SORCS1: variants seen among roughly 807,000 people sequenced by gnomAD.
SORCS1 encodes the protein sortilin related VPS10 domain containing receptor 1.
A neutral mutation model predicts 146.1 loss-of-function variants in SORCS1; 60 were observed. The ratio of observed to expected loss-of-function variants is 0.41; its 90% CI spans 0.33 to 0.51. The LOEUF (loss-of-function observed/expected upper bound fraction) is 0.51, where lower values mean the gene tolerates loss of function less well. Ranked by LOEUF, SORCS1 falls within the 20% of genes least tolerant of loss-of-function variation. SORCS1 has a pLI of 0.21. For synonymous variants in SORCS1, 637 were observed against 584.0 expected (o/e 1.09, Z -1.31); for missense variants, 1,352 against 1,487.6 (o/e 0.91, Z 1.50).
intron 19 of SORCS1, among the ~76,000 whole-genome samples, chr10:106,623,140 C>T (rs1374654150): frequency 6.6e-6 from 1 of 151,988 alleles, no homozygotes; most frequent in African/African-American, 2.4e-5. Context: ...CTGAGTCCCT[C>T]AATCTGCGTT....
chr10:107,057,814 G>A (rs1246342923), intron 1 of SORCS1, among the ~76,000 whole-genome samples: 1 of 152,130 alleles, frequency 6.6e-6, no homozygotes, highest in Non-Finnish European at 1.5e-5. Context: ...CTTGTGTTTT[G>A]TTTCCTTGTT....
intron 2 of SORCS1, among the ~76,000 whole-genome samples, chr10:106,873,422 T>G (rs1470010182): frequency 6.6e-6 from 1 of 152,190 alleles, no homozygotes; most frequent in Non-Finnish European, 1.5e-5. Context: ...ATGTTGGGCT[T>G]CAAGGACTGA....
intron 1 of SORCS1, among the ~76,000 whole-genome samples, chr10:107,086,620 T>A (rs1476404785): frequency 6.6e-6 from 1 of 152,358 alleles, no homozygotes; most frequent in South Asian, 2.1e-4. Context: ...TCTCTTTTTT[T>A]AAAGCAATTG....
chr10:106,595,511 C>G (rs1000069953), intron 24 of SORCS1, among the ~76,000 whole-genome samples: 3 of 152,118 alleles, frequency 2.0e-5, no homozygotes, highest in African/African-American at 4.8e-5. Flanking sequence ...TTTCCACCCT[C>G]CACACCTCCA....
At chr10:106,620,988 T>C (rs547819798) in intron 19 of SORCS1, among the ~76,000 whole-genome samples, 46 of 152,294 alleles carry the variant, frequency 3.0e-4, no homozygotes, top group African/African-American at 9.6e-4. Context: ...CCACTCTCTA[T>C]GTCATTACCC....
chr10:106,629,267 C>T lies in SORCS1; in HGVS notation c.2597G>A (p.Arg866His), dbSNP rs767926672. 2.3e-5 allele frequency: 37 copies of T among 1,613,934 alleles called. No homozygotes were observed. In the Admixed American group the frequency reaches 2.3e-4, roughly 10 times the overall value. The change falls in exon 19 of 26, where the codon CGT (arginine) becomes CAT (histidine). Residue 866 changes from arginine (R) to histidine (H), a missense_variant. This residue lies in a region of SORCS1 where 648 missense variants were observed against 793.8 expected (regional missense o/e 0.82). Transcript: ENST00000263054. ...ACTGTTGTCCACCTGCACGGTCACA[C>T]GGAAAATGCCCACGTTCTGATAGAC... ...KHVYQNVGIF[R>H]VTVQVDNSLG... is the part of the protein sequence containing the mutation.
chr10:106,852,644 A>AAAAG (rs1564736020), intron 2 of SORCS1, among the ~76,000 whole-genome samples: 1 of 149,694 alleles, frequency 6.7e-6, no homozygotes, highest in African/African-American at 2.5e-5. Context: ...AAAAAAAAAA[A>AAAAG]AAAGAAAGAA....
At chr10:106,914,767 G>A (rs560842753) in intron 2 of SORCS1, among the ~76,000 whole-genome samples, 6 of 152,268 alleles carry the variant, frequency 3.9e-5, no homozygotes, top group South Asian at 2.1e-4. Flanking sequence ...AATGACTAGC[G>A]TGGGACCTTA....
chr10:107,089,658 T>C (rs147578580), intron 1 of SORCS1, among the ~76,000 whole-genome samples: 32 of 152,110 alleles, frequency 2.1e-4, no homozygotes, highest in African/African-American at 7.7e-4. Context: ...GAAAAAAAGG[T>C]AAAATAACCT....
chr10:107,017,454 A>G (rs1375109723), intron 1 of SORCS1, among the ~76,000 whole-genome samples: 2 of 152,220 alleles, frequency 1.3e-5, no homozygotes, highest in Non-Finnish European at 2.9e-5. Flanking sequence ...AAAAACAGGC[A>G]ACAACAATCT....
chr10:106,710,630 G>A (rs926807246), intron 6 of SORCS1, among the ~76,000 whole-genome samples: 1 of 151,856 alleles, frequency 6.6e-6, no homozygotes, highest in Non-Finnish European at 1.5e-5. Context: ...CCTGTTTTTT[G>A]AGCACACTAT....
At chr10:106,620,976 A>G (rs1847706390) in intron 19 of SORCS1, among the ~76,000 whole-genome samples, 1 of 152,192 alleles carries the variant, frequency 6.6e-6, no homozygotes, top group Non-Finnish European at 1.5e-5. Context: ...CAAATCTTCA[A>G]ACCACTCTCT....
chr10:107,035,617 A>G (rs950809), intron 1 of SORCS1, among the ~76,000 whole-genome samples: 73,679 of 152,034 alleles, frequency 0.48, 17,969 homozygotes, highest in East Asian at 0.65. Flanking sequence ...AGGGCTCACT[A>G]ACTGATTGCA....
intron 3 of SORCS1, among the ~76,000 whole-genome samples, chr10:106,777,647 C>T (rs1211976624): frequency 1.3e-5 from 2 of 152,104 alleles, no homozygotes; most frequent in South Asian, 2.1e-4. Flanking sequence ...ATTGGGATGC[C>T]CAATTTTGTC....
chr10:106,669,814 GCTGTGGGTTACTGGT>G (rs771741687), intron 16 of SORCS1, among the ~76,000 whole-genome samples: 2 of 152,202 alleles, frequency 1.3e-5, no homozygotes, highest in Non-Finnish European at 2.9e-5. Context: ...AGGGGATACA[GCTGTGGGTTACTGGT>G]CTGACGGCTG....
At chr10:106,618,949 G>A (rs1847560972) in intron 20 of SORCS1, among the ~76,000 whole-genome samples, 1 of 152,020 alleles carries the variant, frequency 6.6e-6, no homozygotes, top group Non-Finnish European at 1.5e-5. Flanking sequence ...GGGTCCTAGA[G>A]GAAAAAATAT....
At chr10:106,810,713 A>G (rs1947414006) in intron 3 of SORCS1, among the ~76,000 whole-genome samples, 1 of 152,186 alleles carries the variant, frequency 6.6e-6, no homozygotes, top group Non-Finnish European at 1.5e-5. Flanking sequence ...TTCAATTCCT[A>G]AGTGGAAGAG....
intron 21 of SORCS1, among the ~76,000 whole-genome samples, chr10:106,614,290 T>G (rs1847204035): frequency 1.3e-5 from 2 of 152,242 alleles, no homozygotes; most frequent in African/African-American, 2.4e-5. Flanking sequence ...TTTTGTTTCA[T>G]TAGGGTCCAA....
chr10:106,599,942 GTTGT>G (rs1045093909), intron 23 of SORCS1, among the ~76,000 whole-genome samples: 55 of 151,886 alleles, frequency 3.6e-4, no homozygotes, highest in African/African-American at 1.3e-3. Context: ...CGGCTATTTT[GTTGT>G]TTGTTTGTTT....
Sources: allele counts gnomAD v4.1 joint callset (sites outside exome capture counted in the v4.1 genomes callset), GRCh38; gene constraint gnomAD v4.1.1; regional missense constraint gnomAD v4.1.1; transcripts MANE v1.5; gene names NCBI Gene and HGNC (gene_info 2026-07-23, HGNC 2026-07-21).